SMOC1: variants seen among roughly 807,000 people sequenced by gnomAD.
SMOC1 encodes SPARC-related modular calcium-binding protein 1.
In SMOC1, 22 loss-of-function variants were observed where a neutral mutation model predicts 56.3. The observed-to-expected ratio is 0.39, with a 90% confidence interval of 0.28 to 0.56. The LOEUF is 0.56. Among genes scored for constraint, SMOC1 ranks in the 20% least tolerant of loss-of-function variants. The probability of loss-of-function intolerance (pLI) is 0.61; values close to 1 mark genes in which losing one functional copy is unlikely to be tolerated. For synonymous variants in SMOC1, 193 were observed against 215.0 expected (o/e 0.90, Z 0.89); for missense variants, 509 against 565.4 (o/e 0.90, Z 1.01).
chr14:69,957,141 C>T (rs1234226608), intron 3 of SMOC1, among the ~76,000 whole-genome samples: 2 of 152,150 alleles, frequency 1.3e-5, no homozygotes, highest in East Asian at 1.9e-4. Flanking sequence ...CTATCAAGTC[C>T]TCTGCCAAGC....
chr14:69,957,686 A>C (rs113320389), intron 3 of SMOC1, among the ~76,000 whole-genome samples: 52 of 152,380 alleles, frequency 3.4e-4, no homozygotes, highest in African/African-American at 1.2e-3. Flanking sequence ...AAAAGTAGAC[A>C]TAATAGTATA....
At chr14:69,883,430 TCATCTACATTG>T (rs1235552257) in intron 1 of SMOC1, among the ~76,000 whole-genome samples, 5 of 152,216 alleles carry the variant, frequency 3.3e-5, no homozygotes, top group Admixed American at 6.5e-5. Context: ...TCCTCCAGGT[TCATCTACATTG>T]TTGCAAATGA....
Position 69,879,626 on chromosome 14 carries a change from C to T in SMOC1, c.-53C>T. The T allele has an allele frequency of 7.4e-7, 1 of 1,358,508 alleles. No homozygotes were observed. Among genetic ancestry groups the T allele is most frequent in the Non-Finnish European group, 9.5e-7 (1 of 1,048,264 alleles). 84.2% of individuals were successfully genotyped at this position (1,358,508 alleles called of 1,614,324 possible). A position where few individuals can be genotyped will look rare whatever the true frequency, so the allele number is the denominator to read the frequency against. On this transcript the variant is annotated 5_prime_UTR_variant, in exon 1 of 12. Transcript: ENST00000361956. ...AAGGAAGGGAGGCGCGCTGTGCGCC[C>T]CGCGGAGCCCGCGAACCCCGCTCGC...
intron 1 of SMOC1, among the ~76,000 whole-genome samples, chr14:69,926,461 T>C (rs927414): frequency 0.27 from 40,483 of 151,938 alleles, 5,771 homozygotes; most frequent in East Asian, 0.42. Context: ...GAAGGAAAAG[T>C]GGAAAAATTA....
chr14:69,934,807 A>G (rs548441280), intron 1 of SMOC1, among the ~76,000 whole-genome samples: 11 of 152,356 alleles, frequency 7.2e-5, no homozygotes, highest in African/African-American at 2.6e-4. Context: ...TGGCTGACAT[A>G]TAATGGAGCC....
intron 1 of SMOC1, chr14:69,885,759 C>T (rs1883785990): frequency 5.3e-6 from 8 of 1,503,264 alleles, no homozygotes; most frequent in South Asian, 2.3e-5. Flanking sequence ...TTCTTCGGGA[C>T]GTCCCCTTTG....
At chr14:69,890,014 C>T (rs1353513992) in intron 1 of SMOC1, among the ~76,000 whole-genome samples, 1 of 152,168 alleles carries the variant, frequency 6.6e-6, no homozygotes, top group Non-Finnish European at 1.5e-5. Flanking sequence ...AACCTCCTTG[C>T]CCTGTAACAT....
intron 1 of SMOC1, among the ~76,000 whole-genome samples, chr14:69,941,611 T>G (rs1296559982): frequency 6.6e-6 from 1 of 152,232 alleles, no homozygotes; most frequent in Non-Finnish European, 1.5e-5. Context: ...TCTGAGTTTG[T>G]GTTTTACTTC....
Position 69,994,430 on chromosome 14 carries a change from A to C in SMOC1, c.614A>C (p.His205Pro), listed in dbSNP as rs1306745237. ...EITAPTLWIK[H>P]LVIKDSKLNN... ...ACAGCCCCAACTCTATGGATTAAAC[A>C]CTTGGTGATCAAGGACTCCAAACTG... Residue 205 changes from histidine to proline, a missense_variant, in exon 7 of 12, where the codon CAC becomes CCC. His to Pro is a moderately conservative substitution (Grantham distance 77). Coordinates refer to ENST00000361956, the MANE Select transcript of SMOC1 (RefSeq NM_001034852.3). The C allele has an allele frequency of 3.1e-6, 5 of 1,614,072 alleles. No homozygotes were observed. Among genetic ancestry groups the C allele is most frequent in the Non-Finnish European group, 3.4e-6 (4 of 1,179,966 alleles).
At chr14:69,963,864 T>A (rs557665629) in intron 3 of SMOC1, among the ~76,000 whole-genome samples, 236 of 152,330 alleles carry the variant, frequency 1.5e-3, no homozygotes, top group Non-Finnish European at 2.9e-3. Context: ...TCTAATCTCT[T>A]GCATGTGTTG....
chr14:69,916,356 A>G (rs997926436), intron 1 of SMOC1, among the ~76,000 whole-genome samples: 1 of 152,216 alleles, frequency 6.6e-6, no homozygotes, highest in African/African-American at 2.4e-5. Flanking sequence ...CTCTCTCCTC[A>G]GGATAACTGC....
chr14:69,917,633 G>A (rs765549369), intron 1 of SMOC1, among the ~76,000 whole-genome samples: 1 of 152,204 alleles, frequency 6.6e-6, no homozygotes, highest in South Asian at 2.1e-4. Context: ...ACTTCGGATG[G>A]TAACACATCG....
chr14:69,886,062 C>G, intron 1 of SMOC1: 1 of 1,582,022 alleles, frequency 6.3e-7, no homozygotes, highest in Non-Finnish European at 8.6e-7. Context: ...GGATTCACCA[C>G]TTTCTTAGCC....
chr14:70,029,390 C>T (rs370693068), intron 11 of SMOC1, among the ~76,000 whole-genome samples: 1 of 152,290 alleles, frequency 6.6e-6, no homozygotes, highest in East Asian at 1.9e-4. Flanking sequence ...TACATCAGCA[C>T]CAGAGCCCTT....
chr14:69,977,687 A>G (rs1884016977), intron 4 of SMOC1, among the ~76,000 whole-genome samples: 1 of 152,224 alleles, frequency 6.6e-6, no homozygotes, highest in Non-Finnish European at 1.5e-5. Flanking sequence ...CAGGGAACCT[A>G]GAAATCATAG....
At chr14:69,987,779 C>T (rs1229742146) in intron 5 of SMOC1, among the ~76,000 whole-genome samples, 2 of 152,164 alleles carry the variant, frequency 1.3e-5, no homozygotes, top group Non-Finnish European at 2.9e-5. Context: ...ACGGTGTCAT[C>T]GGGGGTCGAA....
chr14:70,029,163 C>T (rs1005275589), intron 11 of SMOC1, among the ~76,000 whole-genome samples: 2 of 152,164 alleles, frequency 1.3e-5, no homozygotes, highest in African/African-American at 4.8e-5. Flanking sequence ...TGTGCTTGCC[C>T]CCAGCTCCTC....
intron 1 of SMOC1, among the ~76,000 whole-genome samples, chr14:69,888,420 G>C (rs80099995): frequency 0.019 from 2,966 of 152,272 alleles, 93 homozygotes; most frequent in African/African-American, 0.065. Context: ...CGTCACCTTG[G>C]TTGATTTCAG....
chr14:69,886,227 G>A, intron 1 of SMOC1: 1 of 690,476 alleles, frequency 1.4e-6, no homozygotes, highest in Admixed American at 2.5e-5. Context: ...CTCCTGCAGT[G>A]AGCATCTTAA....
Sources: allele counts gnomAD v4.1 joint callset (sites outside exome capture counted in the v4.1 genomes callset), GRCh38; gene constraint gnomAD v4.1.1; transcripts MANE v1.5; gene names NCBI Gene and HGNC (gene_info 2026-07-23, HGNC 2026-07-21).